Variants in PREX2 observed in about 807,000 individuals in gnomAD.
PREX2 encodes phosphatidylinositol 3,4,5-trisphosphate-dependent Rac exchanger 2 protein.
Under a neutral mutation model 203.2 loss-of-function variants are expected in PREX2, and 107 were observed. That is an observed-to-expected ratio of 0.53 (90% CI 0.45 to 0.62). The LOEUF (loss-of-function observed/expected upper bound fraction) is 0.62. Ranked by LOEUF, PREX2 falls within the 20% of genes least tolerant of loss-of-function variation. The probability of loss-of-function intolerance (pLI) is 0.00; values close to 1 mark genes in which losing one functional copy is unlikely to be tolerated. For synonymous variants in PREX2, 672 were observed against 663.6 expected (o/e 1.01, Z -0.19); for missense variants, 1,777 against 1,955.9 (o/e 0.91, Z 1.72).
chr8:68,189,493 T>C (rs2129614612), intron 35 of PREX2, among the ~76,000 whole-genome samples: 1 of 152,346 alleles, frequency 6.6e-6, no homozygotes, highest in East Asian at 1.9e-4. Context: ...CTCTTTCAGA[T>C]ACTGGGGAAA....
intron 1 of PREX2, among the ~76,000 whole-genome samples, chr8:67,962,810 G>C (rs545656784): frequency 6.6e-6 from 1 of 151,840 alleles, no homozygotes; most frequent in Non-Finnish European, 1.5e-5. Flanking sequence ...GTTTCACCAC[G>C]TTGGCCAGGC....
chr8:68,062,863 A>G (rs1285725819), intron 11 of PREX2, among the ~76,000 whole-genome samples: 3 of 152,094 alleles, frequency 2.0e-5, no homozygotes, highest in East Asian at 1.9e-4. Flanking sequence ...CTGGCCTCCA[A>G]TAAAAATATA....
At chr8:68,178,012 A>T (rs1409044353) in intron 35 of PREX2, among the ~76,000 whole-genome samples, 2 of 152,118 alleles carry the variant, frequency 1.3e-5, no homozygotes, top group African/African-American at 2.4e-5. Context: ...GTTTATATAT[A>T]CCACATTTTC....
rs1005958022 is a variant in PREX2, at chr8:68,234,842, C to T, written c.*3464C>T. On this transcript the variant is annotated 3_prime_UTR_variant, in exon 40 of 40. Transcript: ENST00000288368. ...TTTTATGATACTATAATATATATGA[C>T]GTTGAAATGACATTGGTTCTGAGTC... is the stretch of plus-strand genomic sequence containing the variant. 9 of 151,874 alleles carry T rather than the reference C, an allele frequency of 5.9e-5. No individual in the cohort carries two copies. The highest frequency in any genetic ancestry group is 1.9e-4 in the East Asian group (1 of 5,188). 9.4% of individuals were successfully genotyped at this position (151,874 alleles called of 1,614,324 possible). A position where few individuals can be genotyped will look rare whatever the true frequency, so the allele number is the denominator to read the frequency against.
intron 23 of PREX2, chr8:68,105,420 C>A: frequency 7.9e-7 from 1 of 1,264,462 alleles, no homozygotes. Context: ...CCCTTCCTAG[C>A]ATGTGGGCAG....
intron 34 of PREX2, among the ~76,000 whole-genome samples, chr8:68,150,042 T>C (rs1375690860): frequency 6.6e-6 from 1 of 152,186 alleles, no homozygotes; most frequent in Non-Finnish European, 1.5e-5. Flanking sequence ...CTTAGTGGGA[T>C]AGTTTTCTCC....
chr8:68,050,064 A>G (rs927349067), intron 8 of PREX2, among the ~76,000 whole-genome samples: 4 of 151,676 alleles, frequency 2.6e-5, no homozygotes, highest in African/African-American at 4.8e-5. Context: ...GTATGTGTGT[A>G]TATATATATA....
chr8:68,192,546 G>T lies in PREX2; in HGVS notation c.4604+21G>T, dbSNP rs766745081. ...CATCGGTATGTGACCCTCCCGCCTT[G>T]CTTGCCTCTTTGTTAGATCACACTT... is the stretch of plus-strand genomic sequence containing the variant. On this transcript the variant is annotated intron_variant, in intron 37 of 39. Transcript: ENST00000288368. The T allele has an allele frequency of 3.2e-6, 5 of 1,558,932 alleles. No individual in the cohort carries two copies. In the Admixed American group the frequency reaches 5.7e-5, roughly 18 times the overall value.
intron 1 of PREX2, among the ~76,000 whole-genome samples, chr8:68,003,275 T>TG (rs1806997900): frequency 1.3e-5 from 2 of 152,146 alleles, no homozygotes; most frequent in African/African-American, 4.8e-5. Context: ...CTCAGCCTCC[T>TG]GAGTGGCTGG....
At chr8:68,063,512 T>A (rs968712570) in intron 11 of PREX2, among the ~76,000 whole-genome samples, 3 of 152,164 alleles carry the variant, frequency 2.0e-5, no homozygotes, top group African/African-American at 7.2e-5. Flanking sequence ...CCATCACTCA[T>A]CCTCTGCCAC....
chr8:68,073,587 C>T (rs1271893550), intron 14 of PREX2, among the ~76,000 whole-genome samples: 1 of 152,140 alleles, frequency 6.6e-6, no homozygotes, highest in Non-Finnish European at 1.5e-5. Flanking sequence ...ATAGCACTTA[C>T]ATTTATTACA....
In PREX2 at chr8:68,153,487, G is replaced by T. The variant is rs577391561; in HGVS notation, c.4232-3835G>T. Among the ~76,000 whole-genome samples the T allele has an allele frequency of 3.1e-4, 47 of 152,228 alleles. No homozygotes were observed. In the South Asian group the frequency reaches 4.1e-3, roughly 13 times the overall value. ...TTCTTCCTCTACTTGAAAAGTAGTA[G>T]AAGTAAATAAACTAAATATTCAACC... On this transcript the variant is annotated intron_variant, in intron 34 of 39. Coordinates refer to ENST00000288368, the MANE Select transcript of PREX2 (RefSeq NM_024870.4).
chr8:68,164,190 G>A (rs1014700084), intron 35 of PREX2, among the ~76,000 whole-genome samples: 3 of 151,994 alleles, frequency 2.0e-5, no homozygotes, highest in Non-Finnish European at 2.9e-5. Flanking sequence ...AGAGGAAAAA[G>A]GAGTCAGGAA....
At chr8:68,198,324 A>G (rs748524903) in intron 37 of PREX2, among the ~76,000 whole-genome samples, 50 of 152,198 alleles carry the variant, frequency 3.3e-4, no homozygotes, top group Non-Finnish European at 1.8e-4. Flanking sequence ...TGTGCTATTT[A>G]TATTTATATA....
intron 6 of PREX2, among the ~76,000 whole-genome samples, chr8:68,036,623 T>G (rs1032964562): frequency 6.6e-6 from 1 of 152,136 alleles, no homozygotes; most frequent in Non-Finnish European, 1.5e-5. Flanking sequence ...AATCTTCATT[T>G]GTATATCCAC....
chr8:68,174,125 G>A (rs562672351), intron 35 of PREX2, among the ~76,000 whole-genome samples: 1 of 152,164 alleles, frequency 6.6e-6, no homozygotes, highest in African/African-American at 2.4e-5. Context: ...CCTTTTTGCT[G>A]ACATTTCAGA....
rs188079880 is a variant in PREX2, at chr8:67,972,048, G to T, written c.141+19513G>T. Among the ~76,000 whole-genome samples the T allele has an allele frequency of 7.2e-5, 11 of 152,294 alleles. No homozygotes were observed. The East Asian group carries it at 2.1e-3, about 29-fold the overall frequency. On this transcript the variant is annotated intron_variant, in intron 1 of 39. Transcript: ENST00000288368. ...ATGCATGCCAAGGGAGATTTGAAGT[G>T]CAAGAAACTGATTTCTGTAAAGCCA...
rs1311799434 is a variant in PREX2, at chr8:68,216,288, AT to A, written c.4605-1323del. On this transcript the variant is annotated intron_variant, in intron 37 of 39. Transcript: ENST00000288368. ...TACAGCCACATAGCTAATGAGTTAG[AT>A]TTTTCTCCCATAGGAACAATTGCAT... Among the ~76,000 whole-genome samples, 11 of 152,322 alleles carry A rather than the reference AT, an allele frequency of 7.2e-5. No homozygotes were observed. In the East Asian group the frequency reaches 2.1e-3, roughly 29 times the overall value.
At chr8:68,098,839 A>G (rs1810165834) in intron 22 of PREX2, among the ~76,000 whole-genome samples, 1 of 151,404 alleles carries the variant, frequency 6.6e-6, no homozygotes, top group Non-Finnish European at 1.5e-5. Context: ...ACCAGAACAT[A>G]TATACATTTT....
Sources: allele counts gnomAD v4.1 joint callset (sites outside exome capture counted in the v4.1 genomes callset), GRCh38; gene constraint gnomAD v4.1.1; transcripts MANE v1.5; gene names NCBI Gene and HGNC (gene_info 2026-07-23, HGNC 2026-07-21).